Variants in CHRM3 observed in about 807,000 individuals in gnomAD.
The protein encoded by CHRM3 is muscarinic acetylcholine receptor M3.
Under a neutral mutation model 41.8 loss-of-function variants are expected in CHRM3, and 11 were observed. The ratio of observed to expected loss-of-function variants is 0.26; its 90% CI spans 0.17 to 0.44. CHRM3 has a LOEUF of 0.44. Among genes scored for constraint, CHRM3 ranks in the 20% least tolerant of loss-of-function variants. The pLI is 1.00. For synonymous variants in CHRM3, 297 were observed against 301.4 expected (o/e 0.99, Z 0.15); for missense variants, 571 against 745.4 (o/e 0.77, Z 2.72).
chr1:239,472,580 A>G (rs922094718), intron 1 of CHRM3, among the ~76,000 whole-genome samples: 16 of 152,350 alleles, frequency 1.1e-4, no homozygotes, highest in African/African-American at 3.8e-4. Flanking sequence ...TTGCAGGGAC[A>G]TGAATGGAGC....
chr1:239,576,565 A>G (rs57724793), intron 3 of CHRM3, among the ~76,000 whole-genome samples: 16,413 of 148,580 alleles, frequency 0.11, 932 homozygotes, highest in African/African-American at 0.14. Context: ...AAACAGCAAA[A>G]CATCATCTCT....
intron 4 of CHRM3, among the ~76,000 whole-genome samples, chr1:239,639,461 T>C (rs1293075230): frequency 1.3e-4 from 20 of 152,268 alleles, no homozygotes; most frequent in African/African-American, 4.3e-4. Context: ...TTGTAGTTCT[T>C]CTTGAAGAGG....
At chr1:239,437,892 C>T (rs1663398306) in intron 1 of CHRM3, among the ~76,000 whole-genome samples, 1 of 152,182 alleles carries the variant, frequency 6.6e-6, no homozygotes, top group African/African-American at 2.4e-5. Context: ...AAATGAGAAA[C>T]ACTTTTGCAT....
At chr1:239,580,702 T>TATATATATATATATATATAC (rs1366394441) in intron 3 of CHRM3, among the ~76,000 whole-genome samples, 4 of 125,796 alleles carry the variant, frequency 3.2e-5, no homozygotes, top group Non-Finnish European at 5.0e-5. Flanking sequence ...TATATATATA[T>TATATATATATATATATATAC]ATACACACAC....
At chr1:239,902,266 A>G (rs760110985) in intron 6 of CHRM3, among the ~76,000 whole-genome samples, 2 of 152,114 alleles carry the variant, frequency 1.3e-5, no homozygotes, top group Admixed American at 6.6e-5. Context: ...CAACACCACA[A>G]TGCTTCTTAT....
At chr1:239,899,183 T>C (rs1427939276) in intron 6 of CHRM3, among the ~76,000 whole-genome samples, 1 of 152,124 alleles carries the variant, frequency 6.6e-6, no homozygotes, top group African/African-American at 2.4e-5. Context: ...TTATGTGGTA[T>C]GCATTCTGAT....
intron 3 of CHRM3, among the ~76,000 whole-genome samples, chr1:239,565,519 C>G (rs916103772): frequency 1.3e-5 from 2 of 152,102 alleles, no homozygotes; most frequent in Non-Finnish European, 2.9e-5. Context: ...CTGTGTTGTT[C>G]TGTGCTAATT....
At chr1:239,864,228 C>T (rs896657107) in intron 6 of CHRM3, among the ~76,000 whole-genome samples, 9 of 152,068 alleles carry the variant, frequency 5.9e-5, no homozygotes, top group African/African-American at 9.7e-5. Flanking sequence ...ATGTATAGGC[C>T]GGGCATGGTG....
intron 1 of CHRM3, among the ~76,000 whole-genome samples, chr1:239,405,570 C>T (rs1267849411): frequency 1.3e-5 from 2 of 151,996 alleles, no homozygotes; most frequent in Non-Finnish European, 2.9e-5. Flanking sequence ...TGTTTCCCCA[C>T]CTCTTAAAGC....
chr1:239,552,270 A>C (rs1357723689), intron 3 of CHRM3, among the ~76,000 whole-genome samples: 1 of 111,522 alleles, frequency 9.0e-6, no homozygotes, highest in East Asian at 3.2e-4. Context: ...TGTATCATAT[A>C]TATGTATAGA....
intron 5 of CHRM3, among the ~76,000 whole-genome samples, chr1:239,681,155 A>AC (rs1239922888): frequency 6.6e-6 from 1 of 152,156 alleles, no homozygotes; most frequent in Non-Finnish European, 1.5e-5. Flanking sequence ...CTCCCGCAAC[A>AC]CGTGGGAATT....
chr1:239,583,894 A>G (rs1649250613), intron 3 of CHRM3, among the ~76,000 whole-genome samples: 3 of 152,194 alleles, frequency 2.0e-5, no homozygotes, highest in African/African-American at 7.2e-5. Flanking sequence ...TATGAGTTTT[A>G]TCCTACCCTG....
intron 1 of CHRM3, among the ~76,000 whole-genome samples, chr1:239,431,715 A>T (rs567597297): frequency 1.3e-5 from 2 of 152,348 alleles, no homozygotes; most frequent in East Asian, 3.9e-4. Flanking sequence ...GGTAGCAAAC[A>T]GTGCTTGGTT....
chr1:239,426,241 C>G (rs10925883), intron 1 of CHRM3, among the ~76,000 whole-genome samples: 81,433 of 144,608 alleles, frequency 0.56, 23,147 homozygotes, highest in South Asian at 0.63. Context: ...TTACACTGTT[C>G]GTGGGACTGT....
At chr1:239,482,348 T>C (rs1430949516) in intron 1 of CHRM3, among the ~76,000 whole-genome samples, 5 of 152,222 alleles carry the variant, frequency 3.3e-5, no homozygotes, top group East Asian at 1.9e-4. Flanking sequence ...ACACTGTGGC[T>C]CTTTAGGGGA....
chr1:239,738,799 G>T (rs1427728530), intron 5 of CHRM3, among the ~76,000 whole-genome samples: 1 of 152,112 alleles, frequency 6.6e-6, no homozygotes, highest in African/African-American at 2.4e-5. Flanking sequence ...ACTTAGAAAA[G>T]CACTGTGTAA....
intron 1 of CHRM3, among the ~76,000 whole-genome samples, chr1:239,440,358 C>T (rs1663618992): frequency 6.6e-6 from 1 of 152,170 alleles, no homozygotes; most frequent in African/African-American, 2.4e-5. Context: ...TGCAGTGGCT[C>T]ATGCCTATAA....
chr1:239,858,736 C>A (rs549824766), intron 6 of CHRM3, among the ~76,000 whole-genome samples: 13 of 152,172 alleles, frequency 8.5e-5, no homozygotes, highest in Non-Finnish European at 1.6e-4. Flanking sequence ...GGAAGCCCTG[C>A]ATCCATTAAG....
At chr1:239,547,287 A>G (rs924240202) in intron 3 of CHRM3, among the ~76,000 whole-genome samples, 25 of 152,312 alleles carry the variant, frequency 1.6e-4, no homozygotes, top group African/African-American at 5.8e-4. Flanking sequence ...AAAGTTGGAC[A>G]AGTCATTTAA....
Sources: gnomAD v4.1 joint callset for allele counts (sites outside exome capture counted in the v4.1 genomes callset) on GRCh38, gnomAD v4.1.1 for gene constraint, MANE v1.5 for transcripts, NCBI Gene and HGNC (gene_info 2026-07-23, HGNC 2026-07-21) for gene names.